CCDC60: variants seen among roughly 807,000 people sequenced by gnomAD.
The protein encoded by CCDC60 is coiled-coil domain-containing protein 60.
Under a neutral mutation model 63.5 loss-of-function variants are expected in CCDC60, and 54 were observed. The ratio of observed to expected loss-of-function variants is 0.85; its 90% confidence interval spans 0.68 to 1.07. The LOEUF (loss-of-function observed/expected upper bound fraction) is 1.07. CCDC60 is among the 50% of genes least tolerant of loss of function. The pLI is 0.00. For synonymous variants in CCDC60, 206 were observed against 238.8 expected (o/e 0.86, Z 1.27); for missense variants, 651 against 684.3 (o/e 0.95, Z 0.54).
intron 1 of CCDC60, among the ~76,000 whole-genome samples, chr12:119,415,623 C>G (rs1956685498): frequency 6.6e-6 from 1 of 152,138 alleles, no homozygotes; most frequent in African/African-American, 2.4e-5. Context: ...TGTCTGTTGT[C>G]CAGGTGGCTT....
intron 1 of CCDC60, among the ~76,000 whole-genome samples, chr12:119,360,389 G>A (rs1383059162): frequency 0.014 from 1,180 of 87,296 alleles, 13 homozygotes; most frequent in African/African-American, 0.052. Flanking sequence ...CGGGCGGGGG[G>A]CTGACCCCCC....
At position 119,500,112 on chromosome 12, in the gene CCDC60, A is replaced by G. The variant is rs1951812453; in HGVS notation, c.592A>G (p.Ile198Val). 6.2e-7 allele frequency: 1 copy of G among 1,612,354 alleles called. No homozygotes were observed. Among genetic ancestry groups the G allele is most frequent in the East Asian group, 2.2e-5 (1 of 44,862 alleles). Residue 198 changes from isoleucine to valine, a missense_variant, in exon 6 of 14, where the codon ATC (isoleucine) becomes GTC (valine). By Grantham distance (29) the Ile-to-Val change is conservative (BLOSUM62 3). Coordinates refer to ENST00000327554, the MANE Select transcript of CCDC60 (RefSeq NM_178499.5). Reference sequence around the variant, plus strand: ...TGGAAGCAAGAGCACCATTAAAAAAATCAATAAGGACAAGTCCATGGGACA... The same window carrying G: ...TGGAAGCAAGAGCACCATTAAAAAAGTCAATAAGGACAAGTCCATGGGACA... The part of the protein sequence containing the change: ...PGGSKSTIKK[I>V]NKDKSMGQKW...
intron 4 of CCDC60, among the ~76,000 whole-genome samples, 169 bp from the exon 5 acceptor site, chr12:119,488,590 C>T (rs1386362619): frequency 6.6e-6 from 1 of 152,168 alleles, no homozygotes; most frequent in Non-Finnish European, 1.5e-5. Context: ...TCTCATGGGC[C>T]CATTGCAAAG....
At chr12:119,340,535 C>T (rs1237380739) in intron 1 of CCDC60, among the ~76,000 whole-genome samples, 1 of 151,854 alleles carries the variant, frequency 6.6e-6, no homozygotes, top group Non-Finnish European at 1.5e-5. Context: ...CCACCCCCTG[C>T]CCCCCACCAC....
At chr12:119,360,203 T>C (rs1289376536) in intron 1 of CCDC60, among the ~76,000 whole-genome samples, 7 of 131,698 alleles carry the variant, frequency 5.3e-5, no homozygotes, top group South Asian at 2.6e-4. Context: ...GGCGGCTGGC[T>C]GGGCAGAGGG....
intron 5 of CCDC60, among the ~76,000 whole-genome samples, chr12:119,489,164 G>A (rs1180325950): frequency 1.3e-5 from 2 of 152,152 alleles, no homozygotes; most frequent in Admixed American, 6.5e-5. Flanking sequence ...ACAGAAATTG[G>A]CAAGCTATGG....
At chr12:119,359,982 C>T (rs1316515955) in intron 1 of CCDC60, among the ~76,000 whole-genome samples, 4 of 152,116 alleles carry the variant, frequency 2.6e-5, no homozygotes, top group African/African-American at 9.7e-5. Context: ...TTTTCCCCAC[C>T]TTTCCCCCCT....
rs1950666658 is a variant in CCDC60 at position 119,453,242 on chromosome 12, A to T, written c.171-18752A>T. Among the ~76,000 whole-genome samples the T allele has an allele frequency of 2.0e-5, 3 of 152,222 alleles. No homozygotes were observed. In the South Asian group the frequency reaches 6.2e-4, roughly 32 times the overall value. The stretch of plus-strand genomic sequence containing the variant: ...TTCCTGTGAAACATCCTGTGTGTTC[A>T]CAGGCTGTGATATGGGATCTTCAGA... On this transcript the variant is annotated intron_variant, in intron 2 of 13. Coordinates refer to ENST00000327554, the MANE Select transcript of CCDC60 (RefSeq NM_178499.5).
chr12:119,477,241 A>G (rs1951194468), intron 3 of CCDC60, among the ~76,000 whole-genome samples: 1 of 152,220 alleles, frequency 6.6e-6, no homozygotes, highest in Non-Finnish European at 1.5e-5. Flanking sequence ...CCGGAATCAC[A>G]TGACTTCTGA....
chr12:119,507,106 C>T (rs1217844082), intron 7 of CCDC60, among the ~76,000 whole-genome samples: 6 of 152,098 alleles, frequency 3.9e-5, no homozygotes, highest in South Asian at 2.1e-4. Context: ...CTGTGGCAGC[C>T]GAGGCTGGGC....
At chr12:119,360,432 G>A (rs1254154756) in intron 1 of CCDC60, among the ~76,000 whole-genome samples, 9 of 150,300 alleles carry the variant, frequency 6.0e-5, no homozygotes, top group East Asian at 2.1e-4. Flanking sequence ...GCTGCCGGGC[G>A]GAGACGCTCC....
intron 2 of CCDC60, among the ~76,000 whole-genome samples, chr12:119,469,734 G>A (rs1298057965): frequency 6.6e-6 from 1 of 152,204 alleles, no homozygotes; most frequent in East Asian, 1.9e-4. Context: ...CCACGTAGCT[G>A]GCAGTGATTG....
chr12:119,414,171 A>G (rs1309915721), intron 1 of CCDC60, among the ~76,000 whole-genome samples: 3 of 151,942 alleles, frequency 2.0e-5, no homozygotes, highest in African/African-American at 7.3e-5. Flanking sequence ...GGCACGCACC[A>G]CCACACCCAG....
chr12:119,341,065 G>C (rs1295175033), intron 1 of CCDC60, among the ~76,000 whole-genome samples: 2 of 152,172 alleles, frequency 1.3e-5, no homozygotes, highest in African/African-American at 4.8e-5. Context: ...ATAAATTGCA[G>C]AATTCATGTT....
intron 1 of CCDC60, among the ~76,000 whole-genome samples, chr12:119,343,656 C>A (rs1955555112): frequency 9.7e-6 from 1 of 103,294 alleles, no homozygotes; most frequent in African/African-American, 3.3e-5. Context: ...AAAAGAAAGG[C>A]AAACTATATA....
At chr12:119,475,634 G>C (rs1460415616) in intron 3 of CCDC60, among the ~76,000 whole-genome samples, 1 of 152,186 alleles carries the variant, frequency 6.6e-6, no homozygotes, top group African/African-American at 2.4e-5. Flanking sequence ...CAGGGTAGTA[G>C]TGGTGAAGTA....
At chr12:119,498,551 G>C (rs1423602831) in intron 5 of CCDC60, among the ~76,000 whole-genome samples, 1 of 152,078 alleles carries the variant, frequency 6.6e-6, no homozygotes, top group Non-Finnish European at 1.5e-5. Flanking sequence ...TGGCCAGGCT[G>C]GTCTCGAACT....
rs1428594098 is a variant in CCDC60 at position 119,410,185 on chromosome 12, G to GTA, written c.91-18497_91-18496insAT. Reference sequence around the variant, plus strand: ...GGTAGATGCTAGTGTTGGAAAGAGTGTGTGTGTGTGTGTGTCTGTGTGTGT... The same window carrying GTA: ...GGTAGATGCTAGTGTTGGAAAGAGTGTATGTGTGTGTGTGTGTCTGTGTGTGT... On this transcript the variant is annotated intron_variant, in intron 1 of 13. Coordinates refer to ENST00000327554, the MANE Select transcript of CCDC60 (RefSeq NM_178499.5). This position sits in a 1 kb window ranked among gnomAD's most constrained non-coding sequence, Gnocchi z 4.0. Among the ~76,000 whole-genome samples the GTA allele has an allele frequency of 3.9e-5, 4 of 101,742 alleles. No homozygotes were observed. The highest frequency in any genetic ancestry group is 8.4e-5 in the Non-Finnish European group (4 of 47,582). The allele number at this position is 101,742 out of a possible 152,430, so 66.7% of individuals were successfully genotyped here. A position where few individuals can be genotyped will look rare whatever the true frequency, so the allele number is the denominator to read the frequency against.
At chr12:119,533,760 T>A (rs1392921286) in intron 13 of CCDC60, among the ~76,000 whole-genome samples, 3 of 152,206 alleles carry the variant, frequency 2.0e-5, no homozygotes, top group Non-Finnish European at 2.9e-5. Context: ...AGGCCTCTGT[T>A]CTGTTCCATT....
Sources: gnomAD v4.1 joint callset for allele counts (sites outside exome capture counted in the v4.1 genomes callset) on GRCh38, gnomAD v4.1.1 for gene constraint, Gnocchi (gnomAD v3.1) non-coding constraint, MANE v1.5 for transcripts, NCBI Gene and HGNC (gene_info 2026-07-23, HGNC 2026-07-21) for gene names.